Variants in NPAS2 observed in about 807,000 individuals in gnomAD.
The protein encoded by NPAS2 is neuronal PAS domain-containing protein 2.
NPAS2 carries 23 observed loss-of-function variants against 107.5 expected under a neutral mutation model. The ratio of observed to expected loss-of-function variants is 0.21; its 90% CI spans 0.15 to 0.30. The LOEUF (loss-of-function observed/expected upper bound fraction) is 0.30. Among genes scored for constraint, NPAS2 ranks in the 10% least tolerant of loss-of-function variants. NPAS2 has a pLI of 1.00. For missense variants in NPAS2, 756 were observed against 1,043.3 expected (o/e 0.72, Z 3.79); for synonymous variants, 403 against 417.5 (o/e 0.97, Z 0.42).
intron 3 of NPAS2, among the ~76,000 whole-genome samples, chr2:100,931,550 G>A (rs1215185840): frequency 2.1e-5 from 3 of 144,402 alleles, no homozygotes; most frequent in Non-Finnish European, 1.5e-5. Context: ...GTGGTGGTGC[G>A]ATCTTGGCTC....
At chr2:100,954,776 C>T (rs971714362) in intron 7 of NPAS2, among the ~76,000 whole-genome samples, 1 of 141,886 alleles carries the variant, frequency 7.0e-6, no homozygotes, top group African/African-American at 2.7e-5. Context: ...GGTGTGGTGA[C>T]AGTTGAAAAA....
chr2:100,838,409 C>T (rs1208921553), intron 1 of NPAS2, among the ~76,000 whole-genome samples: 1 of 152,114 alleles, frequency 6.6e-6, no homozygotes, highest in Non-Finnish European at 1.5e-5. Context: ...TCCTGAGTAG[C>T]TGGGATTACA....
rs767036498 is a variant in NPAS2, at chr2:100,975,566, C to T, written c.1391C>T (p.Pro464Leu). The change falls in exon 14 of 21, where the codon CCG becomes CTG. Residue 464 changes from proline to leucine, a missense_variant and splice_region_variant. Physicochemically the swap from Pro to Leu is moderately conservative, Grantham distance 98. This residue lies in a region of NPAS2 where 496 missense variants were observed against 594.4 expected (regional missense o/e 0.83). Transcript: ENST00000335681. The stretch of plus-strand genomic sequence containing the variant: ...GGGCTCAGCCAGGCAGCCACCATGC[C>T]GGTAAGTGTGTGACCCCAAACTCCT... ...VPGLSQAATM[P>L]APLPSPSSCD... is the part of the protein sequence containing the mutation. The T allele has an allele frequency of 5.1e-5, 82 of 1,607,772 alleles. No individual in the cohort carries two copies. The highest frequency in any genetic ancestry group is 2.5e-4 in the Admixed American group (15 of 59,284).
chr2:100,915,431 AG>A (rs1682824357), intron 2 of NPAS2, among the ~76,000 whole-genome samples: 1 of 152,148 alleles, frequency 6.6e-6, no homozygotes, highest in East Asian at 1.9e-4. Context: ...TGCTCAGGAA[AG>A]TGACTCTATA....
chr2:100,902,809 GGT>G (rs1293644793), intron 1 of NPAS2, among the ~76,000 whole-genome samples: 1 of 152,206 alleles, frequency 6.6e-6, no homozygotes, highest in Non-Finnish European at 1.5e-5. Context: ...TTCTGTGACA[GGT>G]GCAATGGGAA....
At chr2:100,990,148 A>T in intron 17 of NPAS2, 108 bp from the exon 18 acceptor site, 1 of 940,264 alleles carries the variant, frequency 1.1e-6, no homozygotes, top group Non-Finnish European at 1.7e-6. Flanking sequence ...GTTCTGATTT[A>T]GAGGAAAGGC....
chr2:100,957,952 G>A (rs192302226), intron 7 of NPAS2, among the ~76,000 whole-genome samples: 36 of 152,220 alleles, frequency 2.4e-4, no homozygotes, highest in Admixed American at 8.5e-4. Flanking sequence ...TTTGCTTTAC[G>A]GGGTCCTAAT....
chr2:100,966,608 GAGAC>G lies in NPAS2; in HGVS notation c.907+850_907+853del, dbSNP rs371351401. Among the ~76,000 whole-genome samples the G allele has an allele frequency of 7.8e-3, 351 of 45,050 alleles. 2 individuals are homozygous for G. Among genetic ancestry groups the G allele is most frequent in the African/African-American group, 0.015 (181 of 11,844 alleles). The allele number at this position is 45,050 out of a possible 152,430, so 29.6% of individuals were successfully genotyped here. A position where few individuals can be genotyped will look rare whatever the true frequency, so the allele number is the denominator to read the frequency against. On this transcript the variant is annotated intron_variant, in intron 10 of 20. Coordinates refer to ENST00000335681, the MANE Select transcript of NPAS2 (RefSeq NM_002518.4). ...AACTTTTTTTTTTTTTTTTTTTTTTGAGACAGACAGATTCTCGCTCTGTCACCCA... is the reference window on the plus strand; with the variant it reads ...AACTTTTTTTTTTTTTTTTTTTTTTGAGACAGATTCTCGCTCTGTCACCCA...
chr2:100,984,266 TG>T (rs1677647228), intron 16 of NPAS2: 1 of 152,260 alleles, frequency 6.6e-6, no homozygotes, highest in African/African-American at 2.4e-5. Flanking sequence ...CTTGTTTTTT[TG>T]TAAGACTTAA....
At chr2:100,925,712 T>C (rs544887880) in intron 3 of NPAS2, among the ~76,000 whole-genome samples, 2 of 152,210 alleles carry the variant, frequency 1.3e-5, no homozygotes, top group South Asian at 2.1e-4. Context: ...CTCGAACTCT[T>C]TGGTCTTTTG....
rs10711978 is a variant in NPAS2, at chr2:100,965,472, CAA to C, written c.801-179_801-178del. 4.6e-5 allele frequency among the ~76,000 whole-genome samples: 7 copies of C among 150,784 alleles called. No homozygotes were observed. Among genetic ancestry groups the C allele is most frequent in the Admixed American group, 1.3e-4 (2 of 15,140 alleles). ...CCAAGGGAAAGGAGTATCTATATGC[CAA>C]AAAAAAAAGCTGAGCCCTTTGGAAA... On this transcript the variant is annotated intron_variant, in intron 9 of 20. Transcript: ENST00000335681. The surrounding 1 kb of genome is among the most constrained non-coding windows in gnomAD (Gnocchi z 4.3).
intron 1 of NPAS2, among the ~76,000 whole-genome samples, chr2:100,832,743 A>G (rs1379643737): frequency 1.1e-4 from 16 of 152,110 alleles, no homozygotes; most frequent in Non-Finnish European, 7.4e-5. Flanking sequence ...AGGAGACACC[A>G]TGCTTAAATT....
chr2:100,877,246 C>T (rs568203597), intron 1 of NPAS2, among the ~76,000 whole-genome samples: 13 of 152,186 alleles, frequency 8.5e-5, no homozygotes, highest in Admixed American at 4.6e-4. Context: ...AGGCGGATCA[C>T]GAGGTCAGGA....
chr2:100,993,444 C>T lies in NPAS2; in HGVS notation c.2209C>T (p.Leu737Phe), dbSNP rs936518164. The change falls in exon 20 of 21, where the codon CTC (leucine) becomes TTC (phenylalanine). Residue 737 changes from leucine to phenylalanine, a missense_variant. Physicochemically the swap from Leu to Phe is conservative, Grantham distance 22. Around this residue, in one of 4 missense-constraint regions of NPAS2, gnomAD observed 496 missense variants for 594.4 expected, o/e 0.83. Coordinates refer to ENST00000335681, the MANE Select transcript of NPAS2 (RefSeq NM_002518.4). ...MPVLLMGQAVLHPSFPASQPS... is the reference protein window; with the variant it reads ...MPVLLMGQAVFHPSFPASQPS... ...CGTCCTGCTGATGGGGCAGGCGGTG[C>T]TCCACCCCAGCTTCCCTGCCTCCCA... is the stretch of plus-strand genomic sequence containing the variant. 15 of 1,613,214 alleles carry T rather than the reference C, an allele frequency of 9.3e-6. No individual in the cohort carries two copies. Among genetic ancestry groups the T allele is most frequent in the Admixed American group, 6.7e-5 (4 of 59,944 alleles).
rs869125809 is a variant in NPAS2, at chr2:100,912,259, A to ATTT, written c.32+7475_32+7476insTTT. ...TTATTTATTTATTTATTTATTTATT[A>ATTT]TTATTATTTTGCTCAGTTTATAAAA... On this transcript the variant is annotated intron_variant, in intron 2 of 20. Transcript: ENST00000335681. Among the ~76,000 whole-genome samples, 30 of 82,850 alleles carry ATTT rather than the reference A, an allele frequency of 3.6e-4. No individual in the cohort carries two copies. The East Asian group carries it at 4.7e-3, about 13-fold the overall frequency. 54.4% of individuals were successfully genotyped at this position (82,850 alleles called of 152,430 possible).
At chr2:100,954,219 G>A (rs1052245863) in intron 7 of NPAS2, among the ~76,000 whole-genome samples, 1 of 152,218 alleles carries the variant, frequency 6.6e-6, no homozygotes, top group African/African-American at 2.4e-5. Context: ...TGAAGGACCT[G>A]GTTGGGGTGT....
At chr2:100,954,908 C>T (rs373126596) in intron 7 of NPAS2, among the ~76,000 whole-genome samples, 5 of 150,808 alleles carry the variant, frequency 3.3e-5, no homozygotes, top group Non-Finnish European at 7.4e-5. Flanking sequence ...GACGGAGTCT[C>T]GCTCTGTCAC....
intron 15 of NPAS2, among the ~76,000 whole-genome samples, chr2:100,978,047 G>A (rs1677140854): frequency 6.6e-6 from 1 of 152,138 alleles, no homozygotes. Context: ...GGAACAGGTG[G>A]TGTTTGATTG....
chr2:100,932,423 T>C (rs1020923839), intron 3 of NPAS2, among the ~76,000 whole-genome samples: 1 of 152,212 alleles, frequency 6.6e-6, no homozygotes, highest in Non-Finnish European at 1.5e-5. Flanking sequence ...CTGAAAAATA[T>C]GGTACATTCT....
Sources: gnomAD v4.1 joint callset for allele counts (sites outside exome capture counted in the v4.1 genomes callset) on GRCh38, gnomAD v4.1.1 for gene constraint, gnomAD v4.1.1 regional missense constraint, Gnocchi (gnomAD v3.1) non-coding constraint, MANE v1.5 for transcripts, NCBI Gene and HGNC (gene_info 2026-07-23, HGNC 2026-07-21) for gene names.